LHFPL3: variants seen among roughly 807,000 people sequenced by gnomAD.
LHFPL3 encodes the protein LHFPL tetraspan subfamily member 3, also known as LHFPL tetraspan subfamily member 3 protein.
A neutral mutation model predicts 19.3 loss-of-function variants in LHFPL3; 5 were observed. The observed-to-expected ratio is 0.26, with a 90% CI of 0.14 to 0.54. The LOEUF (loss-of-function observed/expected upper bound fraction) is 0.54, where lower values mean the gene tolerates loss of function less well. Among genes scored for constraint, LHFPL3 ranks in the 20% least tolerant of loss-of-function variants. The probability of loss-of-function intolerance (pLI) is 0.94; values close to 1 mark genes in which losing one functional copy is unlikely to be tolerated. For synonymous variants in LHFPL3, 133 were observed against 126.2 expected (o/e 1.05, Z -0.36); for missense variants, 249 against 307.4 (o/e 0.81, Z 1.42).
chr7:104,843,509 T>G (rs1186881575), intron 2 of LHFPL3, among the ~76,000 whole-genome samples: 1 of 152,232 alleles, frequency 6.6e-6, no homozygotes, highest in African/African-American at 2.4e-5. Flanking sequence ...GCTAAAAACT[T>G]CCAAGGTCGC....
chr7:104,412,926 C>A (rs374394395), intron 1 of LHFPL3, among the ~76,000 whole-genome samples: 1 of 152,126 alleles, frequency 6.6e-6, no homozygotes, highest in Admixed American at 6.5e-5. Flanking sequence ...CATTAGCATG[C>A]CTGTTTACAA....
At chr7:104,498,832 A>G (rs531150265) in intron 1 of LHFPL3, among the ~76,000 whole-genome samples, 6 of 152,346 alleles carry the variant, frequency 3.9e-5, no homozygotes, top group African/African-American at 1.4e-4. Context: ...ATGCTTAGAA[A>G]TGCCAGCTCT....
intron 1 of LHFPL3, among the ~76,000 whole-genome samples, chr7:104,382,561 A>T (rs1284887957): frequency 2.6e-5 from 4 of 152,152 alleles, no homozygotes; most frequent in African/African-American, 9.7e-5. Context: ...ATCTCCAAGG[A>T]TGCTGGATTT....
rs541273039 is a variant in LHFPL3 at position 104,393,170 on chromosome 7, TA to T, written c.445+63948del. On this transcript the variant is annotated intron_variant, in intron 1 of 2. Coordinates refer to ENST00000424859, the MANE Select transcript of LHFPL3 (RefSeq NM_199000.3). ...AATCAAAAAGTCAGAAAATAATAAA[TA>T]ATGTTGAGGTTGCAGAGAAATTGGA... is the stretch of plus-strand genomic sequence containing the variant. 9.9e-5 allele frequency among the ~76,000 whole-genome samples: 15 copies of T among 152,216 alleles called. No individual in the cohort carries two copies. The South Asian group carries it at 2.9e-3, about 29-fold the overall frequency.
chr7:104,812,046 G>C (rs1220826172), intron 2 of LHFPL3, among the ~76,000 whole-genome samples: 1 of 152,176 alleles, frequency 6.6e-6, no homozygotes, highest in African/African-American at 2.4e-5. Context: ...GAAAATTCAA[G>C]AGTTACCAAG....
chr7:104,810,551 A>G (rs969131145), intron 2 of LHFPL3, among the ~76,000 whole-genome samples: 2 of 152,166 alleles, frequency 1.3e-5, no homozygotes, highest in Non-Finnish European at 2.9e-5. Context: ...GAAAGGGGGC[A>G]TCAGTGGGGT....
intron 2 of LHFPL3, among the ~76,000 whole-genome samples, chr7:104,795,466 TG>T (rs1790106177): frequency 6.6e-6 from 1 of 152,214 alleles, no homozygotes. Context: ...TCTAACAGTT[TG>T]TATGCCTCAA....
intron 1 of LHFPL3, among the ~76,000 whole-genome samples, chr7:104,541,103 GACACACACACACACACACACACAC>G (rs58831498): frequency 7.4e-6 from 1 of 134,544 alleles, no homozygotes; most frequent in African/African-American, 2.8e-5. Flanking sequence ...TCCTCCCCAT[GACACACACACACACACACACACAC>G]ACACACACAC....
chr7:104,745,570 C>A (rs909091805), intron 2 of LHFPL3, among the ~76,000 whole-genome samples: 5 of 152,160 alleles, frequency 3.3e-5, no homozygotes, highest in Non-Finnish European at 7.3e-5. Flanking sequence ...ACAAATTATT[C>A]AAGACTCTTC....
intron 1 of LHFPL3, among the ~76,000 whole-genome samples, chr7:104,726,306 C>G (rs1385832192): frequency 1.3e-5 from 2 of 150,612 alleles, no homozygotes; most frequent in African/African-American, 4.9e-5. Flanking sequence ...ATTTTAGATG[C>G]TATGTATACG....
chr7:104,735,880 T>C (rs1220655000), intron 1 of LHFPL3, among the ~76,000 whole-genome samples: 1 of 152,262 alleles, frequency 6.6e-6, no homozygotes, highest in African/African-American at 2.4e-5. Flanking sequence ...CATCCATTGA[T>C]AGACATTAGG....
chr7:104,646,997 A>G (rs1303119945), intron 1 of LHFPL3, among the ~76,000 whole-genome samples: 1 of 152,230 alleles, frequency 6.6e-6, no homozygotes, highest in Non-Finnish European at 1.5e-5. Flanking sequence ...ACAGACGTTT[A>G]TCCCAGCATG....
chr7:104,505,218 T>G (rs1454328230), intron 1 of LHFPL3, among the ~76,000 whole-genome samples: 1 of 152,222 alleles, frequency 6.6e-6, no homozygotes, highest in Non-Finnish European at 1.5e-5. Context: ...ACATACATCA[T>G]ATAACCAGTG....
intron 2 of LHFPL3, among the ~76,000 whole-genome samples, chr7:104,815,721 A>C (rs146747250): frequency 6.6e-6 from 1 of 152,086 alleles, no homozygotes; most frequent in Admixed American, 6.5e-5. Flanking sequence ...CCCTGTGCCT[A>C]CCACCACCCC....
chr7:104,336,466 A>G (rs888386298), intron 1 of LHFPL3, among the ~76,000 whole-genome samples: 3 of 151,870 alleles, frequency 2.0e-5, no homozygotes, highest in Non-Finnish European at 2.9e-5. Flanking sequence ...TGTCCTAACT[A>G]TAATCTTGAG....
chr7:104,493,919 G>A (rs1299906055), intron 1 of LHFPL3, among the ~76,000 whole-genome samples: 1 of 152,048 alleles, frequency 6.6e-6, no homozygotes, highest in African/African-American at 2.4e-5. Flanking sequence ...TGTGCAGTAA[G>A]TGTAAAAAAC....
chr7:104,788,222 G>C (rs2116440174), intron 2 of LHFPL3, among the ~76,000 whole-genome samples: 1 of 152,244 alleles, frequency 6.6e-6, no homozygotes, highest in South Asian at 2.1e-4. Flanking sequence ...CTAATTTATA[G>C]TCTAATAAAC....
At chr7:104,814,264 T>G (rs1790525260) in intron 2 of LHFPL3, among the ~76,000 whole-genome samples, 2 of 152,052 alleles carry the variant, frequency 1.3e-5, no homozygotes, top group African/African-American at 4.8e-5. Context: ...TCTGCACAGC[T>G]CTCAGCAGTG....
intron 2 of LHFPL3, among the ~76,000 whole-genome samples, chr7:104,829,840 A>G (rs1012892320): frequency 4.3e-4 from 65 of 152,090 alleles, no homozygotes; most frequent in Non-Finnish European, 6.8e-4. Flanking sequence ...CTTTGGGTAT[A>G]TACCCAGTAA....
Sources: gnomAD v4.1 joint callset for allele counts (sites outside exome capture counted in the v4.1 genomes callset) on GRCh38, gnomAD v4.1.1 for gene constraint, MANE v1.5 for transcripts, NCBI Gene and HGNC (gene_info 2026-07-23, HGNC 2026-07-21) for gene names.